DGKI: variants seen among roughly 807,000 people sequenced by gnomAD.
DGKI encodes the protein DAG kinase iota.
A neutral mutation model predicts 147.5 loss-of-function variants in DGKI; 55 were observed. The observed-to-expected ratio is 0.37, with a 90% CI of 0.30 to 0.47. DGKI has a LOEUF of 0.47. Among genes scored for constraint, DGKI ranks in the 20% least tolerant of loss-of-function variants. DGKI has a pLI of 1.00. For synonymous variants in DGKI, 469 were observed against 477.1 expected, an observed-to-expected ratio of 0.98 and a Z score of 0.22; for missense variants, 1,007 against 1,323.8, an observed-to-expected ratio of 0.76 and a Z score of 3.71.
intron 10 of DGKI, 131 bp from the exon 11 acceptor site, chr7:137,600,036 C>G: frequency 1.3e-6 from 1 of 772,390 alleles, no homozygotes; most frequent in South Asian, 1.9e-5. Flanking sequence ...GTAATCCCAG[C>G]ACCTTGGAAG....
At chr7:137,547,740 T>C (rs1817911835) in intron 20 of DGKI, among the ~76,000 whole-genome samples, 1 of 152,120 alleles carries the variant, frequency 6.6e-6, no homozygotes, top group African/African-American at 2.4e-5. Flanking sequence ...AGTGAATCAA[T>C]GATTACACTA....
intron 5 of DGKI, among the ~76,000 whole-genome samples, chr7:137,654,056 C>T (rs571620636): frequency 6.6e-6 from 1 of 152,346 alleles, no homozygotes; most frequent in South Asian, 2.1e-4. Context: ...GTGCTGTCTC[C>T]TCTTGTCATA....
intron 3 of DGKI, among the ~76,000 whole-genome samples, chr7:137,663,990 A>G (rs1471615657): frequency 6.6e-6 from 1 of 152,204 alleles, no homozygotes; most frequent in Non-Finnish European, 1.5e-5. Context: ...CCACCGGGAC[A>G]TAGACATTCT....
At chr7:137,639,658 C>A (rs958186493) in intron 6 of DGKI, among the ~76,000 whole-genome samples, 1 of 152,028 alleles carries the variant, frequency 6.6e-6, no homozygotes, top group Non-Finnish European at 1.5e-5. Context: ...GACAAGTGGG[C>A]GGGAACTACT....
chr7:137,552,629 C>T (rs771783249), intron 19 of DGKI, 61 bp from the exon 20 acceptor site: 50 of 1,564,294 alleles, frequency 3.2e-5, no homozygotes, highest in Non-Finnish European at 7.0e-6. Context: ...AAGCTGGAGG[C>T]CAGGCGCTGT....
intron 5 of DGKI, among the ~76,000 whole-genome samples, chr7:137,651,188 A>C (rs1344234193): frequency 6.6e-6 from 1 of 152,212 alleles, no homozygotes; most frequent in Non-Finnish European, 1.5e-5. Flanking sequence ...TTCATTTTGA[A>C]AGATCACTCC....
rs182063972 is a variant in DGKI at position 137,494,915 on chromosome 7, C to A, written c.2249-7226G>T. The stretch of plus-strand genomic sequence containing the variant: ...GACACAAGACCCAATGGTATGCTGT[C>A]TTCAAGAGACCCAGGTCACATGCGA... On this transcript the variant is annotated intron_variant, in intron 21 of 32. Transcript: ENST00000614521. Among the ~76,000 whole-genome samples, 21 of 152,162 alleles carry A rather than the reference C, an allele frequency of 1.4e-4. No individual in the cohort carries two copies. The East Asian group carries it at 4.1e-3, about 29-fold the overall frequency.
intron 6 of DGKI, among the ~76,000 whole-genome samples, chr7:137,638,603 T>C: frequency 3.0e-4 from 1 of 3,294 alleles, no homozygotes; most frequent in African/African-American, 2.1e-3. Context: ...TACATATATG[T>C]ATATATATAC....
At chr7:137,434,963 C>T (rs958330856) in intron 28 of DGKI, among the ~76,000 whole-genome samples, 15 of 152,108 alleles carry the variant, frequency 9.9e-5, no homozygotes, top group African/African-American at 3.6e-4. Flanking sequence ...TAGGGAACAC[C>T]CACTGAGACT....
At position 137,587,177 on chromosome 7, in the gene DGKI, G is replaced by T; in HGVS notation, c.1345C>A (p.Gln449Lys). The change falls in exon 13 of 33, where the codon CAG (glutamine) becomes AAG (lysine). Residue 449 changes from glutamine to lysine, a missense_variant. Gln to Lys is a moderately conservative substitution (Grantham distance 53). Around this residue, in one of 5 missense-constraint regions of DGKI, gnomAD observed 224 missense variants for 382.7 expected, o/e 0.59. Coordinates refer to ENST00000614521, the MANE Select transcript of DGKI (RefSeq NM_001321708.2). ...CCCACAGGAGGCTGAGGGCTCAGCT[G>T]CAGTTCATCCAGGATGGAAAGGATC... ...GWILSILDEL[Q>K]LSPQPPVGVL... 1 of 1,613,182 alleles carries T rather than the reference G, an allele frequency of 6.2e-7. No individual in the cohort carries two copies. The highest frequency in any genetic ancestry group is 8.5e-7 in the Non-Finnish European group (1 of 1,179,670).
chr7:137,789,183 A>G (rs1291889206), intron 1 of DGKI, among the ~76,000 whole-genome samples: 2 of 152,220 alleles, frequency 1.3e-5, no homozygotes, highest in Admixed American at 6.5e-5. Context: ...ATAAAGGACT[A>G]CAGAAATTTA....
chr7:137,760,089 GT>G (rs1795812687), intron 1 of DGKI, among the ~76,000 whole-genome samples: 1 of 152,156 alleles, frequency 6.6e-6, no homozygotes, highest in Admixed American at 6.5e-5. Context: ...TGTGCCTCCA[GT>G]CACAGAGGAG....
intron 28 of DGKI, among the ~76,000 whole-genome samples, chr7:137,439,180 A>T (rs1180715371): frequency 1.3e-5 from 2 of 152,248 alleles, no homozygotes; most frequent in African/African-American, 4.8e-5. Flanking sequence ...ATATTTTATG[A>T]ATAGTATCTA....
intron 23 of DGKI, among the ~76,000 whole-genome samples, chr7:137,472,368 A>AAT (rs1814995661): frequency 5.2e-5 from 1 of 19,072 alleles, no homozygotes; most frequent in Non-Finnish European, 1.1e-4. Flanking sequence ...ATATACATAT[A>AAT]ATTATTATAT....
At chr7:137,762,552 C>T (rs1336725772) in intron 1 of DGKI, among the ~76,000 whole-genome samples, 2 of 152,232 alleles carry the variant, frequency 1.3e-5, no homozygotes, top group Non-Finnish European at 2.9e-5. Context: ...GTCTCACACC[C>T]AGGTCCTGGT....
At chr7:137,488,857 C>A (rs1161740474) in intron 21 of DGKI, among the ~76,000 whole-genome samples, 1 of 152,018 alleles carries the variant, frequency 6.6e-6, no homozygotes, top group Non-Finnish European at 1.5e-5. Context: ...ATAACACAGG[C>A]CGTATTAAAT....
At chr7:137,548,707 C>A (rs577866237) in intron 20 of DGKI, among the ~76,000 whole-genome samples, 1 of 152,318 alleles carries the variant, frequency 6.6e-6, no homozygotes, top group East Asian at 1.9e-4. Flanking sequence ...GTGACTCACG[C>A]CTGTAATCCC....
intron 17 of DGKI, among the ~76,000 whole-genome samples, chr7:137,573,309 AT>A (rs1451606585): frequency 1.3e-5 from 2 of 152,214 alleles, no homozygotes; most frequent in African/African-American, 4.8e-5. Flanking sequence ...GACAATTTTT[AT>A]TTTGCAAATG....
At chr7:137,610,192 C>T (rs1165263370) in intron 8 of DGKI, among the ~76,000 whole-genome samples, 3 of 152,022 alleles carry the variant, frequency 2.0e-5, no homozygotes, top group Non-Finnish European at 4.4e-5. Flanking sequence ...AAAGATAATA[C>T]TCACCTTAAA....
Sources: gnomAD v4.1 joint callset for allele counts (sites outside exome capture counted in the v4.1 genomes callset) on GRCh38, gnomAD v4.1.1 for gene constraint, gnomAD v4.1.1 regional missense constraint, MANE v1.5 for transcripts, NCBI Gene and HGNC (gene_info 2026-07-23, HGNC 2026-07-21) for gene names.